Variants in OPHN1 observed in about 807,000 individuals in gnomAD.
OPHN1 encodes the protein oligophrenin 1.
A neutral mutation model predicts 60.7 loss-of-function variants in OPHN1; 11 were observed. That is an observed-to-expected ratio of 0.18 (90% confidence interval 0.11 to 0.30). OPHN1 has a LOEUF of 0.30. OPHN1 is among the 10% of genes least tolerant of loss of function. The pLI is 1.00. For missense variants in OPHN1, 449 were observed against 611.0 expected, an observed-to-expected ratio of 0.73 and a Z score of 2.80; for synonymous variants, 226 against 222.6, an observed-to-expected ratio of 1.02 and a Z score of -0.14.
chrX:68,175,750 TC>T (rs1222819568), intron 15 of OPHN1, among the ~76,000 whole-genome samples: 1 of 111,894 alleles, frequency 8.9e-6, no homozygotes, highest in Non-Finnish European at 1.9e-5. Context: ...GAAATATTCC[TC>T]AATAATGAAG....
In OPHN1 at chrX:68,053,629, G is replaced by A. The variant is rs781483632; in HGVS notation, c.2324+16C>T. The A allele has an allele frequency of 7.5e-6, 9 of 1,207,174 alleles. No homozygotes were observed. The South Asian group carries it at 1.6e-4, about 21-fold the overall frequency. ...GTACAGGACTTCAGTCAACTTTGAG[G>A]TACAACCCTACTTACACAGATGATG... On this transcript the variant is annotated intron_variant, in intron 22 of 24. Coordinates refer to ENST00000355520, the MANE Select transcript of OPHN1 (RefSeq NM_002547.3).
chrX:68,162,464 CAT>C, intron 15 of OPHN1, among the ~76,000 whole-genome samples: 1 of 109,075 alleles, frequency 9.2e-6, no homozygotes, highest in Middle Eastern at 4.8e-3. Flanking sequence ...AATATATATC[CAT>C]GTCATCAAAG....
At chrX:68,380,036 G>T (rs1030014865) in intron 2 of OPHN1, among the ~76,000 whole-genome samples, 26 of 110,813 alleles carry the variant, frequency 2.3e-4, no homozygotes, top group African/African-American at 8.6e-4. Context: ...GGTAGAATTC[G>T]GCTGTGAATC....
intron 6 of OPHN1, among the ~76,000 whole-genome samples, chrX:68,216,567 G>A (rs895884248): frequency 9.0e-6 from 1 of 110,769 alleles, no homozygotes; most frequent in Admixed American, 9.6e-5. Context: ...ATGCTTCTAG[G>A]AATTGGCCTA....
intron 5 of OPHN1, among the ~76,000 whole-genome samples, chrX:68,255,975 AT>A (rs1386691637): frequency 9.0e-6 from 1 of 110,788 alleles, no homozygotes; most frequent in Non-Finnish European, 1.9e-5. Flanking sequence ...AAACGGACAC[AT>A]ACGAGGAGCT....
At chrX:68,141,127 G>C (rs1445824373) in intron 15 of OPHN1, among the ~76,000 whole-genome samples, 4 of 111,497 alleles carry the variant, frequency 3.6e-5, no homozygotes, top group Non-Finnish European at 5.6e-5. Context: ...CAGACTGCAG[G>C]CTGGGTGAAA....
intron 15 of OPHN1, among the ~76,000 whole-genome samples, chrX:68,165,388 A>C (rs1666404696): frequency 1.1e-5 from 1 of 87,203 alleles, no homozygotes; most frequent in Non-Finnish European, 2.2e-5. Flanking sequence ...TGGTAGAGTT[A>C]TTCGTTGCCA....
chrX:68,218,380 C>T (rs1301734100), intron 6 of OPHN1, among the ~76,000 whole-genome samples: 30 of 97,446 alleles, frequency 3.1e-4, no homozygotes, highest in Non-Finnish European at 5.8e-4. Flanking sequence ...AGAGAAATTC[C>T]CCAATCTAGC....
intron 4 of OPHN1, among the ~76,000 whole-genome samples, chrX:68,275,611 T>C (rs1217941590): frequency 9.0e-6 from 1 of 111,509 alleles, no homozygotes; most frequent in African/African-American, 3.3e-5. Flanking sequence ...TTGGGAATCA[T>C]TGCATTAATT....
rs1189332940 is a variant in OPHN1 at position 68,064,121 on chromosome X, T to TG, written c.1890dup (p.Lys631GlnfsTer17). Reference sequence around the variant, plus strand: ...GGTAGTTTGGGGTGTTGTGGTGGCTTGGGGGGTTCTATGCTGCTGGTGATA... The same window carrying TG: ...GGTAGTTTGGGGTGTTGTGGTGGCTTGGGGGGGTTCTATGCTGCTGGTGATA... On this transcript the variant is annotated frameshift_variant, in exon 21 of 25. Coordinates refer to ENST00000355520, the MANE Select transcript of OPHN1 (RefSeq NM_002547.3). LOFTEE classifies it high-confidence loss of function. 1.7e-6 allele frequency: 2 copies of TG among 1,208,270 alleles called. No homozygotes were observed. Among genetic ancestry groups the TG allele is most frequent in the South Asian group, 1.8e-5 (1 of 56,489 alleles).
At chrX:68,261,172 A>G (rs2077891467) in intron 5 of OPHN1, among the ~76,000 whole-genome samples, 2 of 111,280 alleles carry the variant, frequency 1.8e-5, no homozygotes, top group African/African-American at 6.5e-5. Flanking sequence ...TAGTCAGACA[A>G]TTTGGCCCTG....
At chrX:68,400,585 T>C (rs1451641742) in intron 2 of OPHN1, among the ~76,000 whole-genome samples, 2 of 107,411 alleles carry the variant, frequency 1.9e-5, no homozygotes, top group African/African-American at 6.6e-5. Context: ...CTTTCTTCTC[T>C]CTTTTTTTTC....
intron 5 of OPHN1, among the ~76,000 whole-genome samples, chrX:68,270,760 TCAAA>T (rs1489090626): frequency 9.0e-6 from 1 of 110,986 alleles, no homozygotes; most frequent in Non-Finnish European, 1.9e-5. Context: ...AAAAAGAATC[TCAAA>T]CTAACAGAAG....
intron 15 of OPHN1, among the ~76,000 whole-genome samples, chrX:68,187,507 C>CA (rs55901805): frequency 0.042 from 3,398 of 80,288 alleles, 47 homozygotes; most frequent in Middle Eastern, 0.11. Context: ...CTGTCTTCTC[C>CA]AAAAAAAAAA....
chrX:68,087,008 T>C (rs2076998300), intron 19 of OPHN1, among the ~76,000 whole-genome samples: 1 of 112,302 alleles, frequency 8.9e-6, no homozygotes, highest in African/African-American at 3.2e-5. Context: ...ATTTTAAGTT[T>C]AAAAATAACT....
intron 5 of OPHN1, among the ~76,000 whole-genome samples, chrX:68,274,522 C>T (rs1053887462): frequency 1.4e-4 from 16 of 111,162 alleles, no homozygotes; most frequent in African/African-American, 4.9e-4. Context: ...CACCTCCCCA[C>T]CCCCTTTGTC....
intron 2 of OPHN1, among the ~76,000 whole-genome samples, chrX:68,316,708 C>G (rs1458215362): frequency 1.8e-5 from 2 of 111,817 alleles, no homozygotes; most frequent in East Asian, 5.6e-4. Context: ...TTTCCTGCCT[C>G]CCTCTTCAAT....
chrX:68,085,620 T>C (rs746764593), intron 19 of OPHN1, among the ~76,000 whole-genome samples: 1 of 111,827 alleles, frequency 8.9e-6, no homozygotes, highest in Non-Finnish European at 1.9e-5. Flanking sequence ...ACTAGTGGAA[T>C]TGGGAAGGGC....
At chrX:68,275,172 T>C (rs2077986809) in intron 4 of OPHN1, among the ~76,000 whole-genome samples, 1 of 112,136 alleles carries the variant, frequency 8.9e-6, no homozygotes, top group Non-Finnish European at 1.9e-5. Flanking sequence ...TTGCAGCAAG[T>C]GCAAATCATT....
Sources: gnomAD v4.1 joint callset for allele counts (sites outside exome capture counted in the v4.1 genomes callset) on GRCh38, gnomAD v4.1.1 for gene constraint, MANE v1.5 for transcripts, NCBI Gene and HGNC (gene_info 2026-07-23, HGNC 2026-07-21) for gene names.